PPIA: variants seen among roughly 807,000 people sequenced by gnomAD.
The protein encoded by PPIA is peptidylprolyl isomerase A.
A neutral mutation model predicts 15.3 loss-of-function variants in PPIA; 2 were observed. That is an observed-to-expected ratio of 0.13 (90% CI 0.05 to 0.41). The LOEUF (loss-of-function observed/expected upper bound fraction) is 0.41, where lower values mean the gene tolerates loss of function less well. Ranked by LOEUF, PPIA falls within the 10% of genes least tolerant of loss-of-function variation. PPIA has a pLI of 0.99. For synonymous variants in PPIA, 67 were observed against 73.1 expected, an observed-to-expected ratio of 0.92 and a Z score of 0.43; for missense variants, 103 against 210.3, an observed-to-expected ratio of 0.49 and a Z score of 3.16.
chr7:44,801,721 A>G lies in PPIA; in HGVS notation c.*299A>G, dbSNP rs2116991976. ...ACATCACTTGTTTGCTTAATTCTAC[A>G]CAGTACTTAGATTTTTTTTACTTTC... On this transcript the variant is annotated 3_prime_UTR_variant, in exon 5 of 5. Transcript: ENST00000468812. 1 of 270,254 alleles carries G rather than the reference A, an allele frequency of 3.7e-6. No individual in the cohort carries two copies. 16.7% of individuals were successfully genotyped at this position (270,254 alleles called of 1,614,324 possible).
chr7:44,796,749 G>A lies in PPIA; in HGVS notation c.25G>A (p.Asp9Asn). 1.2e-6 allele frequency: 2 copies of A among 1,610,218 alleles called. No individual in the cohort carries two copies. The highest frequency in any genetic ancestry group is 1.7e-6 in the Non-Finnish European group (2 of 1,178,830). The change falls in exon 1 of 5, where the codon GAC becomes AAC. Residue 9 changes from aspartate (D) to asparagine (N), a missense_variant. Asp to Asn is a conservative substitution (Grantham distance 23, BLOSUM62 1). Coordinates refer to ENST00000468812, the MANE Select transcript of PPIA (RefSeq NM_021130.5). ...CATGGTCAACCCCACCGTGTTCTTC[G>A]ACATTGCCGTCGACGGCGAGCCCTT... is the stretch of plus-strand genomic sequence containing the variant. The part of the protein sequence containing the change: MVNPTVFF[D>N]IAVDGEPLGR...
At position 44,801,623 on chromosome 7, in the gene PPIA, T is replaced by C. The variant is rs1792564590; in HGVS notation, c.*201T>C. 2 of 504,460 alleles carry C rather than the reference T, an allele frequency of 4.0e-6. No homozygotes were observed. The highest frequency in any genetic ancestry group is 2.3e-5 in the South Asian group (1 of 43,902). 31.2% of individuals were successfully genotyped at this position (504,460 alleles called of 1,614,324 possible). On this transcript the variant is annotated 3_prime_UTR_variant, in exon 5 of 5. Transcript: ENST00000468812. ...TTATGATTATGAAATAAAAACTAAA[T>C]AACAATTGTCCTCGTTTGAGTTAAG... is the stretch of plus-strand genomic sequence containing the variant.
intron 4 of PPIA, 155 bp downstream of exon 4, chr7:44,800,029 C>A: frequency 1.3e-6 from 1 of 746,766 alleles, no homozygotes; most frequent in Non-Finnish European, 2.1e-6. Context: ...ACAAATATAG[C>A]CAATGTGATA....
At position 44,801,417 on chromosome 7, in the gene PPIA, G is replaced by A. The variant is rs748726244; in HGVS notation, c.493G>A (p.Glu165Lys). ...CACCATTGCTGACTGTGGACAACTC[G>A]AATAAGTTTGACTTGTGTTTTATCT... ...KITIADCGQL[E>K] The change falls in exon 5 of 5, where the codon GAA (glutamate) becomes AAA (lysine). Residue 165 changes from glutamate to lysine, a missense_variant. By Grantham distance (56) the Glu-to-Lys change is moderately conservative. Coordinates refer to ENST00000468812, the MANE Select transcript of PPIA (RefSeq NM_021130.5). The A allele has an allele frequency of 1.7e-5, 26 of 1,540,104 alleles. No homozygotes were observed. The highest frequency in any genetic ancestry group is 3.4e-5 in the Admixed American group (2 of 59,664).
At chr7:44,798,693 AG>A in intron 1 of PPIA, 1 of 946,042 alleles carries the variant, frequency 1.1e-6, no homozygotes. Context: ...CATTCAAGAA[AG>A]GTTCAAAACC....
chr7:44,800,968 C>T (rs983543464), intron 4 of PPIA, among the ~76,000 whole-genome samples: 1 of 152,112 alleles, frequency 6.6e-6, no homozygotes, highest in Non-Finnish European at 1.5e-5. Flanking sequence ...TAGGCACACG[C>T]CACCATGCCC....
At chr7:44,801,007 CAG>C (rs1421612124) in intron 4 of PPIA, among the ~76,000 whole-genome samples, 2 of 151,858 alleles carry the variant, frequency 1.3e-5, no homozygotes, top group African/African-American at 4.8e-5. Context: ...TTAGTAGAGA[CAG>C]GGTTTCACCG....
Position 44,796,704 on chromosome 7 carries a change from G to A in PPIA, c.-21G>A, listed in dbSNP as rs747888881. ...CCGTTTTGCAGACGCCACCGCCGAGGAAAACCGTGTACTATTAGCCATGGT... is the reference window on the plus strand; with the variant it reads ...CCGTTTTGCAGACGCCACCGCCGAGAAAAACCGTGTACTATTAGCCATGGT... On this transcript the variant is annotated 5_prime_UTR_variant, in exon 1 of 5. Coordinates refer to ENST00000468812, the MANE Select transcript of PPIA (RefSeq NM_021130.5). 5.0e-6 allele frequency: 8 copies of A among 1,609,436 alleles called. No individual in the cohort carries two copies. The highest frequency in any genetic ancestry group is 2.2e-5 in the East Asian group (1 of 44,610).
rs1241945487 is a variant in PPIA, at chr7:44,799,772, A to G, written c.260A>G (p.Asn87Ser). ...TATGGGGAGAAATTTGAAGATGAGAACTTCATCCTAAAGCATACGGGTCCT... is the reference window on the plus strand; with the variant it reads ...TATGGGGAGAAATTTGAAGATGAGAGCTTCATCCTAAAGCATACGGGTCCT... ...SIYGEKFEDE[N>S]FILKHTGPGI... Residue 87 changes from asparagine (N) to serine (S), a missense_variant, in exon 4 of 5, where the codon AAC becomes AGC. Physicochemically the swap from Asn to Ser is conservative, Grantham distance 46 (BLOSUM62 1). Transcript: ENST00000468812. The G allele has an allele frequency of 1.9e-6, 3 of 1,613,780 alleles. No homozygotes were observed. The highest frequency in any genetic ancestry group is 2.7e-5 in the African/African-American group (2 of 75,028).
intron 1 of PPIA, 150 bp downstream of exon 1, chr7:44,796,943 A>G (rs1792386549): frequency 5.8e-6 from 5 of 862,874 alleles, no homozygotes; most frequent in African/African-American, 3.7e-5. Context: ...ACGAGGGGCC[A>G]TTTTGGGAGG....
rs1328087915 is a variant in PPIA at position 44,799,869 on chromosome 7, T to C, written c.357T>C (p.Thr119=). Residue 119 remains threonine, a synonymous_variant, in exon 4 of 5, where the codon ACT becomes ACC. Transcript: ENST00000468812. ...AGTTTTTCATCTGCACTGCCAAGAC[T>C]GAGTGGTAAGGGTACAACATGGCAC... The part of the protein sequence containing the change: ...GSQFFICTAK[T]EWLDGKHVVF... 1 of 1,610,534 alleles carries C rather than the reference T, an allele frequency of 6.2e-7. No individual in the cohort carries two copies. The highest frequency in any genetic ancestry group is 8.5e-7 in the Non-Finnish European group (1 of 1,179,918).
intron 1 of PPIA, among the ~76,000 whole-genome samples, chr7:44,797,278 C>G (rs1792403158): frequency 6.6e-6 from 1 of 152,160 alleles, no homozygotes; most frequent in Admixed American, 6.5e-5. Context: ...GAGGGTTTTT[C>G]TCAAGGATCG....
At chr7:44,798,975 G>A (rs2116984535) in intron 1 of PPIA, 2 of 1,191,102 alleles carry the variant, frequency 1.7e-6, no homozygotes, top group South Asian at 2.5e-5. Flanking sequence ...AGAAGTAGGT[G>A]TGATGTACTA....
rs1792612242 is a variant in PPIA, at chr7:44,803,054, T to G, written c.*1632T>G. 1 of 152,218 alleles carries G rather than the reference T, an allele frequency of 6.6e-6. No homozygotes were observed. The highest frequency in any genetic ancestry group is 2.4e-5 in the African/African-American group (1 of 41,454). The allele number at this position is 152,218 out of a possible 1,614,324, so 9.4% of individuals were successfully genotyped here. On this transcript the variant is annotated 3_prime_UTR_variant, in exon 5 of 5. Coordinates refer to ENST00000468812, the MANE Select transcript of PPIA (RefSeq NM_021130.5). ...TCCCTGGGTGATACCATTCAATGTC[T>G]TAATGTACTTGTGGCTCAGACCTGA...
intron 1 of PPIA, chr7:44,798,985 A>G (rs1792463386): frequency 2.5e-6 from 3 of 1,198,950 alleles, no homozygotes; most frequent in Admixed American, 3.9e-5. Context: ...GTGATGTACT[A>G]AAAGTTTGAG....
chr7:44,796,884 C>T (rs973161689), intron 1 of PPIA, 91 bp downstream of exon 1: 2 of 1,387,190 alleles, frequency 1.4e-6, no homozygotes, highest in Non-Finnish European at 1.9e-6. Context: ...GGGCGCGGGG[C>T]GACCCTGCTT....
chr7:44,801,469 C>G lies in PPIA; in HGVS notation c.*47C>G, dbSNP rs1043373937. ...AACCACCAGATCATTCCTTCTGTAG[C>G]TCAGGAGAGCACCCCTCCACCCCAT... On this transcript the variant is annotated 3_prime_UTR_variant, in exon 5 of 5. Coordinates refer to ENST00000468812, the MANE Select transcript of PPIA (RefSeq NM_021130.5). 7.2e-7 allele frequency: 1 copy of G among 1,390,942 alleles called. No homozygotes were observed. The allele number at this position is 1,390,942 out of a possible 1,614,324, so 86.2% of individuals were successfully genotyped here.
rs542517958 is a variant in PPIA, at chr7:44,799,484, C to A, written c.189+4C>A. 6.2e-7 allele frequency: 1 copy of A among 1,609,976 alleles called. No homozygotes were observed. Among genetic ancestry groups the A allele is most frequent in the African/African-American group, 1.3e-5 (1 of 74,866 alleles). On this transcript the variant is annotated splice_donor_region_variant and intron_variant, in intron 3 of 4. Coordinates refer to ENST00000468812, the MANE Select transcript of PPIA (RefSeq NM_021130.5). ...TATTCCAGGGTTTATGTGTCAGGTA[C>A]GAAATTTACTGAATTTTATTTTATT...
chr7:44,801,204 C>T, intron 4 of PPIA, 83 bp from the exon 5 acceptor site: 1 of 1,383,408 alleles, frequency 7.2e-7, no homozygotes, highest in Non-Finnish European at 9.8e-7. Flanking sequence ...AAAAAAAAAG[C>T]TACCTTTCTC....
Sources: gnomAD v4.1 joint callset for allele counts (sites outside exome capture counted in the v4.1 genomes callset) on GRCh38, gnomAD v4.1.1 for gene constraint, MANE v1.5 for transcripts, NCBI Gene and HGNC (gene_info 2026-07-23, HGNC 2026-07-21) for gene names.